The following EYA3 variants were observed in gnomAD, a reference collection of about 807,000 sequenced individuals.
EYA3 encodes the protein protein phosphatase EYA3.
EYA3 carries 39 observed loss-of-function variants against 80.0 expected under a neutral mutation model. That is an observed-to-expected ratio of 0.49 (90% CI 0.38 to 0.64). The LOEUF (loss-of-function observed/expected upper bound fraction) is 0.64. EYA3 is among the 30% of genes least tolerant of loss of function. The probability of loss-of-function intolerance (pLI) is 0.00; values close to 1 mark genes in which losing one functional copy is unlikely to be tolerated. For missense variants in EYA3, 523 were observed against 676.1 expected, an observed-to-expected ratio of 0.77 and a Z score of 2.51; for synonymous variants, 206 against 232.8, an observed-to-expected ratio of 0.88 and a Z score of 1.05.
chr1:28,039,298 C>CTATATTGA (rs1643642201), intron 4 of EYA3, among the ~76,000 whole-genome samples: 1 of 152,196 alleles, frequency 6.6e-6, no homozygotes, highest in South Asian at 2.1e-4. Flanking sequence ...TGAGTGCTTA[C>CTATATTGA]TATATTGAGT....
intron 2 of EYA3, among the ~76,000 whole-genome samples, chr1:28,049,972 G>A (rs1456350056): frequency 2.6e-5 from 4 of 151,894 alleles, no homozygotes; most frequent in Admixed American, 6.6e-5. Flanking sequence ...ATGTAATTAC[G>A]AGCTGGTTGG....
intron 1 of EYA3, among the ~76,000 whole-genome samples, chr1:28,085,942 C>A (rs1239891609): frequency 6.6e-6 from 1 of 152,172 alleles, no homozygotes; most frequent in Non-Finnish European, 1.5e-5. Context: ...ACTCCTAAAA[C>A]TTTTCAACTT....
intron 2 of EYA3, among the ~76,000 whole-genome samples, chr1:28,052,754 C>T (rs1308659852): frequency 6.6e-6 from 1 of 151,820 alleles, no homozygotes; most frequent in Non-Finnish European, 1.5e-5. Flanking sequence ...CCAGCCTGGC[C>T]AAGATGGTGA....
chr1:28,032,630 C>T (rs1048059095), intron 6 of EYA3, among the ~76,000 whole-genome samples: 1 of 152,176 alleles, frequency 6.6e-6, no homozygotes, highest in Non-Finnish European at 1.5e-5. Flanking sequence ...TACCCTTTTC[C>T]TTACACATAC....
At chr1:28,052,296 G>A (rs1322558251) in intron 2 of EYA3, among the ~76,000 whole-genome samples, 4 of 152,062 alleles carry the variant, frequency 2.6e-5, no homozygotes, top group South Asian at 2.1e-4. Context: ...GAGCCACTGC[G>A]CCCAGCCCCA....
intron 10 of EYA3, among the ~76,000 whole-genome samples, chr1:28,006,061 T>C (rs1641247503): frequency 6.6e-6 from 1 of 150,392 alleles, no homozygotes; most frequent in South Asian, 2.1e-4. Context: ...GCTGAGATTG[T>C]GCCACTGCAC....
In EYA3 at chr1:28,013,232, G is replaced by C. The variant is rs1402725224; in HGVS notation, c.648C>G (p.Ser216Arg). 3 of 1,614,136 alleles carry C rather than the reference G, an allele frequency of 1.9e-6. No homozygotes were observed. In the South Asian group the frequency reaches 3.3e-5, roughly 18 times the overall value. ...TGTTAGTCTGACCTGTGACTCCAAAGCTGGAGCTGGGGTAGCAGGCCTGGT... is the reference window on the plus strand; with the variant it reads ...TGTTAGTCTGACCTGTGACTCCAAACCTGGAGCTGGGGTAGCAGGCCTGGT... ...NQYQACYPSS[S>R]FGVTGQTNSD... is the part of the protein sequence containing the mutation. Residue 216 changes from serine to arginine, a missense_variant, in exon 9 of 18, where the codon AGC becomes AGG. By Grantham distance (110) the Ser-to-Arg change is moderately radical (BLOSUM62 -1). Transcript: ENST00000373871. This position sits in a 1 kb window ranked among gnomAD's most constrained non-coding sequence, Gnocchi z 4.0.
chr1:28,056,539 A>T lies in EYA3; in HGVS notation c.33+1455T>A, dbSNP rs548240781. On this transcript the variant is annotated intron_variant, in intron 2 of 17. Coordinates refer to ENST00000373871, the MANE Select transcript of EYA3 (RefSeq NM_001990.4). ...GTCATTCAATCACCTTTTTATATTA[A>T]GATCTGGGCATAAATCAATAAGGAA... is the stretch of plus-strand genomic sequence containing the variant. 2.0e-5 allele frequency among the ~76,000 whole-genome samples: 3 copies of T among 152,304 alleles called. No homozygotes were observed. The East Asian group carries it at 5.8e-4, about 29-fold the overall frequency.
chr1:28,053,179 CAG>C (rs1243554520), intron 2 of EYA3, among the ~76,000 whole-genome samples: 1 of 81,338 alleles, frequency 1.2e-5, no homozygotes, highest in African/African-American at 4.6e-5. Context: ...AAAAAAAAAA[CAG>C]AAAAAGAAAA....
intron 11 of EYA3, among the ~76,000 whole-genome samples, chr1:28,002,653 TAAAAC>T (rs1471346266): frequency 6.6e-6 from 1 of 151,496 alleles, no homozygotes; most frequent in Non-Finnish European, 1.5e-5. Context: ...TCTACAAAAA[TAAAAC>T]AAAATTAGCC....
intron 16 of EYA3, among the ~76,000 whole-genome samples, chr1:27,980,245 ATTC>A (rs1391995631): frequency 6.6e-6 from 1 of 152,188 alleles, no homozygotes; most frequent in Non-Finnish European, 1.5e-5. Flanking sequence ...CTAATAATAA[ATTC>A]TTATTATGTT....
At chr1:28,074,962 G>A (rs1287946219) in intron 1 of EYA3, among the ~76,000 whole-genome samples, 1 of 152,086 alleles carries the variant, frequency 6.6e-6, no homozygotes, top group Admixed American at 6.5e-5. Context: ...AGTCTCTGCT[G>A]TTCATTTGTG....
chr1:27,987,215 C>T (rs1332564271), intron 16 of EYA3, among the ~76,000 whole-genome samples: 1 of 152,152 alleles, frequency 6.6e-6, no homozygotes, highest in Non-Finnish European at 1.5e-5. Flanking sequence ...AAGTATTTGT[C>T]TTTTTGTGAT....
intron 3 of EYA3, among the ~76,000 whole-genome samples, chr1:28,044,864 C>T (rs1434067880): frequency 6.6e-6 from 1 of 152,034 alleles, no homozygotes; most frequent in South Asian, 2.1e-4. Flanking sequence ...TTTGACCTCC[C>T]GGGCTCAAGT....
Position 27,989,708 on chromosome 1 carries a change from G to A in EYA3, c.1407C>T (p.Leu469=). ...AACCATTTCCATACCTGGACTGGAT[G>A]AGAAGTAAGGACTTTAATGCAGTTC... The part of the protein sequence containing the change: ...WLGTALKSLL[L]IQSRKNCVNV... Residue 469 remains leucine (L), a synonymous_variant, in exon 15 of 18, where the codon CTC becomes CTT. Coordinates refer to ENST00000373871, the MANE Select transcript of EYA3 (RefSeq NM_001990.4). 6.2e-7 allele frequency: 1 copy of A among 1,606,364 alleles called. No homozygotes were observed. The highest frequency in any genetic ancestry group is 8.5e-7 in the Non-Finnish European group (1 of 1,174,750).
intron 15 of EYA3, 78 bp from the exon 16 acceptor site, chr1:27,988,734 T>C (rs761999842): frequency 2.0e-6 from 3 of 1,518,158 alleles, no homozygotes; most frequent in Non-Finnish European, 2.7e-6. Context: ...GCCAACTCTT[T>C]AGAATTTAAT....
rs781423829 is a variant in EYA3 at position 28,048,417 on chromosome 1, C to T, written c.43G>A (p.Ala15Thr). The T allele has an allele frequency of 8.1e-6, 13 of 1,611,498 alleles. No homozygotes were observed. The highest frequency in any genetic ancestry group is 2.7e-5 in the African/African-American group (2 of 74,758). Residue 15 changes from alanine to threonine, a missense_variant, in exon 3 of 18, where the codon GCC (alanine) becomes ACC (threonine). Coordinates refer to ENST00000373871, the MANE Select transcript of EYA3 (RefSeq NM_001990.4). ...TGCTCTCCTGATTCCTGCATCTTGG[C>T]TTTTTTCACCTGCAAAAATAAATAT... is the stretch of plus-strand genomic sequence containing the variant. ...QDLPEQPVKK[A>T]KMQESGEQTI...
intron 2 of EYA3, among the ~76,000 whole-genome samples, chr1:28,055,812 G>C (rs1051131167): frequency 6.6e-6 from 1 of 152,100 alleles, no homozygotes; most frequent in Non-Finnish European, 1.5e-5. Flanking sequence ...AATTAGTGGA[G>C]AAATAAGAGA....
chr1:27,983,890 G>A (rs1232182906), intron 16 of EYA3, among the ~76,000 whole-genome samples: 1 of 152,178 alleles, frequency 6.6e-6, no homozygotes, highest in Non-Finnish European at 1.5e-5. Context: ...CCTGACCTCA[G>A]GTGATCCACC....
Sources: allele counts gnomAD v4.1 joint callset (sites outside exome capture counted in the v4.1 genomes callset), GRCh38; gene constraint gnomAD v4.1.1; non-coding constraint Gnocchi (gnomAD v3.1); transcripts MANE v1.5; gene names NCBI Gene and HGNC (gene_info 2026-07-23, HGNC 2026-07-21).